The following LINGO2 variants were observed in gnomAD, a reference collection of about 807,000 sequenced individuals.
LINGO2 encodes leucine rich repeat and Ig domain containing 2.
In LINGO2, 14 loss-of-function variants were observed where a neutral mutation model predicts 30.6. The observed-to-expected ratio is 0.46, with a 90% CI of 0.30 to 0.72. LINGO2 has a LOEUF of 0.72. Ranked by LOEUF, LINGO2 falls within the 30% of genes least tolerant of loss-of-function variation. The pLI, the probability that LINGO2 is intolerant of heterozygous loss-of-function variation, is 0.07. For synonymous variants in LINGO2, 317 were observed against 288.5 expected, an observed-to-expected ratio of 1.10 and a Z score of -1.00; for missense variants, 729 against 751.7, an observed-to-expected ratio of 0.97 and a Z score of 0.35.
the LINGO2 span, among the ~76,000 whole-genome samples, chr9:28,852,258 G>C: frequency 6.6e-6 from 1 of 151,952 alleles, no homozygotes; most frequent in Admixed American, 6.6e-5. Flanking sequence ...TATAGATCTA[G>C]ATATTATCTA....
chr9:28,319,412 CTGTTT>C (rs1178502613), intron 3 of LINGO2, among the ~76,000 whole-genome samples: 1 of 152,108 alleles, frequency 6.6e-6, no homozygotes, highest in Non-Finnish European at 1.5e-5. Context: ...GATAATCTCT[CTGTTT>C]TAAGATTCCA....
In LINGO2 at chr9:28,147,769, G is replaced by T. The variant is rs558730211; in HGVS notation, c.-86-135364C>A. Among the ~76,000 whole-genome samples the T allele has an allele frequency of 1.3e-5, 2 of 152,292 alleles. No individual in the cohort carries two copies. Among genetic ancestry groups the T allele is most frequent in the South Asian group, 4.1e-4 (2 of 4,830 alleles). On this transcript the variant is annotated intron_variant, in intron 4 of 5. Coordinates refer to ENST00000379992, the Ensembl canonical transcript of LINGO2. This position sits in a 1 kb window ranked among gnomAD's most constrained non-coding sequence, Gnocchi z 4.7. ...CCTGAGGCTAGAGTCCAGCTGGACC[G>T]GTGGAAGGGTCTCACCCTTTGCCCT...
the LINGO2 span, among the ~76,000 whole-genome samples, chr9:28,955,914 T>A: frequency 6.6e-6 from 1 of 152,062 alleles, no homozygotes; most frequent in Admixed American, 6.6e-5. Context: ...ATTACAGGCA[T>A]GAACGACCAT....
At chr9:28,623,280 G>A (rs1032378863) in intron 1 of LINGO2, among the ~76,000 whole-genome samples, 1 of 152,034 alleles carries the variant, frequency 6.6e-6, no homozygotes, top group Non-Finnish European at 1.5e-5. Flanking sequence ...CCAATGTCCT[G>A]TAGAGTTTCC....
At chr9:28,684,175 C>CTTTTTTTTTTTTTTTTTTTTTT in the LINGO2 span, among the ~76,000 whole-genome samples, 1 of 45,430 alleles carries the variant, frequency 2.2e-5, no homozygotes, top group Non-Finnish European at 3.8e-5. Context: ...AAATGTTTAT[C>CTTTTTTTTTTTTTTTTTTTTTT]TTTTTTTTTT....
chr9:28,246,926 C>T (rs10757720), intron 4 of LINGO2, among the ~76,000 whole-genome samples: 1 of 151,996 alleles, frequency 6.6e-6, no homozygotes, highest in Non-Finnish European at 1.5e-5. Context: ...AACAAACAAC[C>T]CTTTTTCAAA....
chr9:28,304,745 T>C (rs1455509491), intron 3 of LINGO2, among the ~76,000 whole-genome samples: 3 of 152,026 alleles, frequency 2.0e-5, no homozygotes, highest in Non-Finnish European at 2.9e-5. Context: ...TTAGAAACTT[T>C]ACCAAACAAT....
At chr9:28,096,862 G>A (rs1014515701) in intron 4 of LINGO2, among the ~76,000 whole-genome samples, 9 of 152,094 alleles carry the variant, frequency 5.9e-5, no homozygotes, top group African/African-American at 2.2e-4. Context: ...GCCCTGAAGT[G>A]AGGCGAATTT....
the LINGO2 span, among the ~76,000 whole-genome samples, chr9:28,853,094 G>A: frequency 6.6e-6 from 1 of 152,024 alleles, no homozygotes; most frequent in Non-Finnish European, 1.5e-5. Flanking sequence ...GTTTATTTCA[G>A]AAAGCTTTCT....
chr9:28,813,135 T>C, the LINGO2 span, among the ~76,000 whole-genome samples: 2 of 150,676 alleles, frequency 1.3e-5, no homozygotes, highest in Non-Finnish European at 2.9e-5. Context: ...ACTCCAGATT[T>C]TGAGGTATTT....
chr9:29,180,366 G>C, the LINGO2 span, among the ~76,000 whole-genome samples: 1 of 152,128 alleles, frequency 6.6e-6, no homozygotes, highest in Non-Finnish European at 1.5e-5. Flanking sequence ...TTATACATGC[G>C]AGGCAAATAT....
chr9:28,054,938 TAC>T (rs751033278), intron 4 of LINGO2, among the ~76,000 whole-genome samples: 47 of 152,254 alleles, frequency 3.1e-4, no homozygotes, highest in Non-Finnish European at 4.6e-4. Flanking sequence ...ACTACAAAGC[TAC>T]AGTCTTCTTT....
chr9:28,790,765 G>T, the LINGO2 span, among the ~76,000 whole-genome samples: 1 of 152,032 alleles, frequency 6.6e-6, no homozygotes, highest in Non-Finnish European at 1.5e-5. Flanking sequence ...TAGTTTATCA[G>T]TTATTGTTAA....
chr9:28,229,538 G>C (rs1220876257), intron 4 of LINGO2, among the ~76,000 whole-genome samples: 1 of 151,706 alleles, frequency 6.6e-6, no homozygotes, highest in Non-Finnish European at 1.5e-5. Context: ...GTTAATTTTA[G>C]ACATAAAACA....
At chr9:28,914,693 G>A in the LINGO2 span, among the ~76,000 whole-genome samples, 23 of 152,282 alleles carry the variant, frequency 1.5e-4, no homozygotes, top group African/African-American at 5.5e-4. Flanking sequence ...GACAGGGTCT[G>A]CTGAAGGACT....
At chr9:28,445,239 GA>G (rs1013235228) in intron 2 of LINGO2, among the ~76,000 whole-genome samples, 3 of 152,246 alleles carry the variant, frequency 2.0e-5, no homozygotes, top group African/African-American at 7.2e-5. Flanking sequence ...TTGTCAATGG[GA>G]ATGGTGGTTT....
At chr9:28,718,727 G>T in the LINGO2 span, among the ~76,000 whole-genome samples, 1 of 151,838 alleles carries the variant, frequency 6.6e-6, no homozygotes, top group Admixed American at 6.6e-5. Flanking sequence ...ACACTTACTG[G>T]CATACTTAAC....
chr9:28,637,003 G>C (rs916508801), intron 1 of LINGO2, among the ~76,000 whole-genome samples: 1 of 152,130 alleles, frequency 6.6e-6, no homozygotes, highest in Non-Finnish European at 1.5e-5. Flanking sequence ...TTTGTATAAG[G>C]TGTAAGGAAG....
intron 1 of LINGO2, among the ~76,000 whole-genome samples, chr9:28,648,597 C>T (rs375082631): frequency 6.6e-6 from 1 of 151,988 alleles, no homozygotes; most frequent in South Asian, 2.1e-4. Flanking sequence ...AAATATTATG[C>T]TGTTTAATTT....
Sources: gnomAD v4.1 joint callset for allele counts (sites outside exome capture counted in the v4.1 genomes callset) on GRCh38, gnomAD v4.1.1 for gene constraint, Gnocchi (gnomAD v3.1) non-coding constraint, MANE v1.5 for transcripts, NCBI Gene and HGNC (gene_info 2026-07-23, HGNC 2026-07-21) for gene names.